Variants in ACOT11 observed in about 807,000 individuals in gnomAD.
The protein encoded by ACOT11 is acyl-CoA thioesterase 11, also known as acyl-coenzyme A thioesterase 11.
In ACOT11, 69 loss-of-function variants were observed where a neutral mutation model predicts 77.5. The observed-to-expected ratio is 0.89, with a 90% CI of 0.73 to 1.09. The LOEUF is 1.09. Among genes scored for constraint, ACOT11 ranks in the 50% least tolerant of loss-of-function variants. ACOT11 has a pLI of 0.00. For missense variants in ACOT11, 766 were observed against 813.7 expected, an observed-to-expected ratio of 0.94 and a Z score of 0.71; for synonymous variants, 279 against 313.0, an observed-to-expected ratio of 0.89 and a Z score of 1.15.
In ACOT11 at chr1:54,610,272, A is replaced by G. The variant is rs1250387824; in HGVS notation, c.*1160A>G. 2.7e-6 allele frequency: 4 copies of G among 1,497,176 alleles called. No individual in the cohort carries two copies. Among genetic ancestry groups the G allele is most frequent in the African/African-American group, 1.4e-5 (1 of 71,594 alleles). The allele number at this position is 1,497,176 out of a possible 1,614,324, so 92.7% of individuals were successfully genotyped here. ...ACTGTACTCCCTCTCCCTCCCCGCA[A>G]CCCTGCCCCACCTTGCATCCAGGGT... On this transcript the variant is annotated 3_prime_UTR_variant, in exon 16 of 16. Transcript: ENST00000343744.
At chr1:54,617,712 T>TTTTTTTC (rs1644188041) in intron 15 of ACOT11, among the ~76,000 whole-genome samples, 1 of 47,232 alleles carries the variant, frequency 2.1e-5, no homozygotes. Context: ...GCCTGAGATT[T>TTTTTTTC]TTTTTTTTTT....
At chr1:54,603,260 G>C (rs1227390961) in intron 10 of ACOT11, among the ~76,000 whole-genome samples, 1 of 152,210 alleles carries the variant, frequency 6.6e-6, no homozygotes, top group Non-Finnish European at 1.5e-5. Flanking sequence ...TGAGGCAAGA[G>C]AATCGCTTGA....
At chr1:54,605,996 G>T (rs1644019725) in intron 13 of ACOT11, among the ~76,000 whole-genome samples, 1 of 152,196 alleles carries the variant, frequency 6.6e-6, no homozygotes, top group South Asian at 2.1e-4. Context: ...TGGAAATTCA[G>T]TCCGCTGGTC....
chr1:54,619,816 T>G, intron 15 of ACOT11: 1 of 1,597,974 alleles, frequency 6.3e-7, no homozygotes, highest in Non-Finnish European at 8.6e-7. Flanking sequence ...CCCTCTGTCT[T>G]CTCTATCCCT....
intron 1 of ACOT11, among the ~76,000 whole-genome samples, chr1:54,556,798 G>A (rs539050787): frequency 8.6e-5 from 13 of 152,008 alleles, no homozygotes; most frequent in African/African-American, 1.2e-4. Context: ...GGCAAGGCTC[G>A]TCTCGAACTC....
chr1:54,626,892 C>G (rs1644275378), intron 15 of ACOT11, among the ~76,000 whole-genome samples: 1 of 134,294 alleles, frequency 7.4e-6, no homozygotes, highest in African/African-American at 2.5e-5. Flanking sequence ...GAGTCTTGCT[C>G]TGTTGCCCAG....
At chr1:54,588,894 T>G (rs913914940) in intron 3 of ACOT11, among the ~76,000 whole-genome samples, 1 of 152,294 alleles carries the variant, frequency 6.6e-6, no homozygotes, top group East Asian at 1.9e-4. Context: ...GCCTGGAGCA[T>G]GGTTGGTGGC....
At chr1:54,633,977 C>T (rs1289289595) in intron 16 of ACOT11, among the ~76,000 whole-genome samples, 1 of 152,198 alleles carries the variant, frequency 6.6e-6, no homozygotes, top group Non-Finnish European at 1.5e-5. Context: ...TGTCCAAGAA[C>T]AGGACTTAGT....
At chr1:54,565,465 A>G (rs1016239091) in intron 1 of ACOT11, among the ~76,000 whole-genome samples, 3 of 152,196 alleles carry the variant, frequency 2.0e-5, no homozygotes, top group Non-Finnish European at 4.4e-5. Context: ...CACTCCTGCC[A>G]GGCTCTGGAG....
intron 16 of ACOT11, chr1:54,630,900 G>C: frequency 1.4e-6 from 1 of 714,256 alleles, no homozygotes; most frequent in Non-Finnish European, 2.6e-6. Flanking sequence ...AGTAAGAAGG[G>C]GAGTCCGGAA....
At chr1:54,605,337 A>T in intron 13 of ACOT11, 128 bp downstream of exon 13, 635 of 1,248,416 alleles carry the variant, frequency 5.1e-4, no homozygotes, top group Non-Finnish European at 6.3e-4. Flanking sequence ...TTGGAGTTCC[A>T]TGCTGGGTGG....
rs551400341 is a variant in ACOT11 at position 54,634,677 on chromosome 1, C to T, written c.1783-11C>T. The T allele has an allele frequency of 8.1e-4, 568 of 701,492 alleles. 4 individuals are homozygous for T. The African/African-American group carries it at 8.7e-3, about 11-fold the overall frequency. The allele number at this position is 701,492 out of a possible 1,614,324, so 43.5% of individuals were successfully genotyped here. ...TAATTTGGGGTAGAGGTTATGCTTGCGTTTCTCCAGGCCAAAATCAACAGC... is the reference window on the plus strand; with the variant it reads ...TAATTTGGGGTAGAGGTTATGCTTGTGTTTCTCCAGGCCAAAATCAACAGC... On this transcript the variant is annotated splice_polypyrimidine_tract_variant and intron_variant, in intron 16 of 16. Coordinates refer to the ACOT11 transcript ENST00000371316.
At chr1:54,588,147 T>G (rs1247540404) in intron 3 of ACOT11, among the ~76,000 whole-genome samples, 1 of 151,988 alleles carries the variant, frequency 6.6e-6, no homozygotes, top group Non-Finnish European at 1.5e-5. Flanking sequence ...GAGGTTGCAG[T>G]GAGCCAGGAT....
intron 15 of ACOT11, among the ~76,000 whole-genome samples, chr1:54,626,273 A>C (rs899182163): frequency 4.6e-5 from 7 of 152,112 alleles, no homozygotes; most frequent in Non-Finnish European, 8.8e-5. Context: ...CTGTTTCAAA[A>C]AAAAGAAAAG....
At chr1:54,586,150 C>T (rs1041829746) in intron 3 of ACOT11, among the ~76,000 whole-genome samples, 10 of 152,182 alleles carry the variant, frequency 6.6e-5, no homozygotes, top group Non-Finnish European at 8.8e-5. Flanking sequence ...AGGGTGTGGC[C>T]GAGATAGCAT....
chr1:54,594,440 GC>G, intron 5 of ACOT11, 115 bp from the exon 6 acceptor site: 1 of 1,348,916 alleles, frequency 7.4e-7, no homozygotes, highest in Non-Finnish European at 1.0e-6. Flanking sequence ...GAACTGAGCA[GC>G]AGCCCACGCC....
chr1:54,568,166 C>G (rs1435799933), intron 1 of ACOT11, among the ~76,000 whole-genome samples: 1 of 152,178 alleles, frequency 6.6e-6, no homozygotes, highest in Non-Finnish European at 1.5e-5. Context: ...TCCTTCTCAT[C>G]ATTCCTTCAG....
At chr1:54,548,544 C>T (rs2100929796) in intron 1 of ACOT11, 1 of 671,278 alleles carries the variant, frequency 1.5e-6, no homozygotes, top group South Asian at 1.9e-5. Flanking sequence ...GCCCCAGGGG[C>T]TGTCAGATCC....
At chr1:54,565,232 G>A (rs751999077) in intron 1 of ACOT11, among the ~76,000 whole-genome samples, 9 of 152,186 alleles carry the variant, frequency 5.9e-5, no homozygotes, top group Admixed American at 1.3e-4. Flanking sequence ...ATGGGGAGTC[G>A]AGGCAGTGAT....
Sources: allele counts gnomAD v4.1 joint callset (sites outside exome capture counted in the v4.1 genomes callset), GRCh38; gene constraint gnomAD v4.1.1; transcripts MANE v1.5; gene names NCBI Gene and HGNC (gene_info 2026-07-23, HGNC 2026-07-21).